RBL1: variants seen among roughly 807,000 people sequenced by gnomAD.
RBL1 encodes retinoblastoma-like protein 1.
RBL1 carries 82 observed loss-of-function variants against 123.0 expected under a neutral mutation model. That is an observed-to-expected ratio of 0.67 (90% confidence interval 0.56 to 0.80). The LOEUF is 0.80. Ranked by LOEUF, RBL1 falls within the 30% of genes least tolerant of loss-of-function variation. RBL1 has a pLI of 0.00. For missense variants in RBL1, 1,171 were observed against 1,299.6 expected (o/e 0.90, Z 1.52); for synonymous variants, 405 against 441.3 (o/e 0.92, Z 1.03).
chr20:37,095,676 G>A, intron 1 of RBL1, 97 bp downstream of exon 1: 1 of 1,181,462 alleles, frequency 8.5e-7, no homozygotes, highest in South Asian at 2.1e-5. Context: ...CCTCCTAGGT[G>A]GGGAAACTCC....
intron 21 of RBL1, among the ~76,000 whole-genome samples, chr20:36,999,224 T>C (rs983738076): frequency 6.6e-6 from 1 of 151,904 alleles, no homozygotes; most frequent in Admixed American, 6.6e-5. Flanking sequence ...CTGGGCAACA[T>C]GGCAAACCTG....
intron 20 of RBL1, among the ~76,000 whole-genome samples, chr20:37,004,751 G>A (rs980999499): frequency 6.6e-6 from 1 of 150,638 alleles, no homozygotes; most frequent in Non-Finnish European, 1.5e-5. Flanking sequence ...TCTGGGGCCG[G>A]GTGCAGTGGC....
At position 37,022,827 on chromosome 20, in the gene RBL1, C is replaced by A. The variant is rs1419353408; in HGVS notation, c.2383-1G>T. On this transcript the variant is annotated splice_acceptor_variant, in intron 16 of 21. Transcript: ENST00000373664. LOFTEE classifies it high-confidence loss of function. Reference sequence around the variant, plus strand: ...AGCGTACACTTGCCAAATGATAGACCTAAAATAGAAGGTAACACATTGATG... The same window carrying A: ...AGCGTACACTTGCCAAATGATAGACATAAAATAGAAGGTAACACATTGATG... 2 of 1,601,898 alleles carry A rather than the reference C, an allele frequency of 1.2e-6. No individual in the cohort carries two copies. The highest frequency in any genetic ancestry group is 1.7e-5 in the Admixed American group (1 of 58,556).
intron 9 of RBL1, among the ~76,000 whole-genome samples, chr20:37,057,904 T>A (rs1263514924): frequency 1.3e-5 from 2 of 151,962 alleles, no homozygotes; most frequent in African/African-American, 4.8e-5. Context: ...GGTGGGTGGA[T>A]CACCTGAGGT....
At chr20:37,086,798 G>A (rs2065553688) in intron 2 of RBL1, among the ~76,000 whole-genome samples, 1 of 152,184 alleles carries the variant, frequency 6.6e-6, no homozygotes, top group South Asian at 2.1e-4. Flanking sequence ...AGATGTATCT[G>A]AGACCCATAG....
intron 11 of RBL1, among the ~76,000 whole-genome samples, chr20:37,051,418 T>C (rs2064910423): frequency 6.6e-6 from 1 of 152,172 alleles, no homozygotes; most frequent in Non-Finnish European, 1.5e-5. Flanking sequence ...TGACCTTAGG[T>C]GATCCACCTG....
At chr20:37,077,828 A>G (rs1378256815) in intron 2 of RBL1, among the ~76,000 whole-genome samples, 1 of 152,066 alleles carries the variant, frequency 6.6e-6, no homozygotes, top group Non-Finnish European at 1.5e-5. Flanking sequence ...CCAAAGTACA[A>G]TTATCAAAAT....
intron 2 of RBL1, among the ~76,000 whole-genome samples, chr20:37,083,604 G>C (rs1377439842): frequency 3.4e-5 from 4 of 118,486 alleles, no homozygotes; most frequent in African/African-American, 1.3e-4. Context: ...GGCCAAAATA[G>C]CGAAACCCCG....
chr20:37,047,017 T>C, intron 12 of RBL1, 36 bp downstream of exon 12: 2 of 1,552,654 alleles, frequency 1.3e-6, no homozygotes, highest in Non-Finnish European at 1.7e-6. Context: ...AGAAACACTG[T>C]TTTCATCTCA....
chr20:37,003,652 C>G, intron 21 of RBL1, 50 bp downstream of exon 21: 2 of 1,482,818 alleles, frequency 1.3e-6, no homozygotes, highest in Non-Finnish European at 1.8e-6. Flanking sequence ...GCAGGATTAA[C>G]AGTTACTGAC....
rs11086871 is a variant in RBL1 at position 37,020,610 on chromosome 20, GA to G, written c.2631+48del. ...TTACCTTTTATATAACTTGTCAGTG[GA>G]AAAGAGTAAATCTATTTTTGGACAG... On this transcript the variant is annotated intron_variant, in intron 18 of 21. Transcript: ENST00000373664. 4.9e-3 allele frequency: 6,185 copies of G among 1,264,932 alleles called. 199 individuals carry two copies. The African/African-American group carries it at 0.079, about 16-fold the overall frequency. The allele number at this position is 1,264,932 out of a possible 1,614,324, so 78.4% of individuals were successfully genotyped here.
chr20:37,062,419 T>TA, intron 7 of RBL1, 149 bp from the exon 8 acceptor site: 1 of 1,350,554 alleles, frequency 7.4e-7, no homozygotes, highest in South Asian at 1.7e-5. Flanking sequence ...CAGAGGGTCC[T>TA]ACCTGATTAT....
chr20:37,094,606 C>A (rs1301190966), intron 1 of RBL1, among the ~76,000 whole-genome samples: 2 of 152,176 alleles, frequency 1.3e-5, no homozygotes, highest in Non-Finnish European at 2.9e-5. Flanking sequence ...CACTCCATCA[C>A]AATTCTGTCT....
intron 16 of RBL1, among the ~76,000 whole-genome samples, chr20:37,025,557 T>C (rs1409811257): frequency 6.6e-6 from 1 of 151,928 alleles, no homozygotes; most frequent in South Asian, 2.1e-4. Context: ...AGTGGCTATA[T>C]GACTAAGTGG....
intron 10 of RBL1, 26 bp from the exon 11 acceptor site, chr20:37,055,682 T>C (rs748911724): frequency 1.3e-6 from 2 of 1,571,750 alleles, no homozygotes; most frequent in Admixed American, 2.0e-5. Context: ...AGAGAAAACA[T>C]GTGTTAATGA....
intron 11 of RBL1, chr20:37,049,621 G>A: frequency 4.0e-6 from 3 of 757,494 alleles, no homozygotes; most frequent in East Asian, 2.4e-5. Flanking sequence ...TGAATGTGGT[G>A]CTGGAGTGTT....
At chr20:37,013,655 A>C (rs1314360114) in intron 19 of RBL1, among the ~76,000 whole-genome samples, 10 of 152,100 alleles carry the variant, frequency 6.6e-5, no homozygotes, top group Admixed American at 6.6e-4. Flanking sequence ...GATCCAGTGA[A>C]GTCTCTCAGC....
chr20:37,022,610 AGCCACCAT>A (rs2064358472), intron 17 of RBL1, 32 bp downstream of exon 17: 1 of 1,555,022 alleles, frequency 6.4e-7, no homozygotes, highest in African/African-American at 1.4e-5. Flanking sequence ...TATACGTGTG[AGCCACCAT>A]GCCCAGCCTC....
chr20:37,089,659 TA>T (rs542194813), intron 1 of RBL1, among the ~76,000 whole-genome samples: 2,021 of 134,992 alleles, frequency 0.015, 24 homozygotes, highest in African/African-American at 0.039. Flanking sequence ...TCCTGTCTCT[TA>T]AAAAAAAAAA....
Sources: gnomAD v4.1 joint callset for allele counts (sites outside exome capture counted in the v4.1 genomes callset) on GRCh38, gnomAD v4.1.1 for gene constraint, MANE v1.5 for transcripts, NCBI Gene and HGNC (gene_info 2026-07-23, HGNC 2026-07-21) for gene names.